Variants in NRXN3 observed in about 807,000 individuals in gnomAD.
The protein encoded by NRXN3 is neurexin 3.
A neutral mutation model predicts 137.6 loss-of-function variants in NRXN3; 32 were observed. That is an observed-to-expected ratio of 0.23 (90% CI 0.18 to 0.31). The LOEUF (loss-of-function observed/expected upper bound fraction) is 0.31. Among genes scored for constraint, NRXN3 ranks in the 10% least tolerant of loss-of-function variants. The pLI is 1.00. For synonymous variants in NRXN3, 798 were observed against 784.5 expected, an observed-to-expected ratio of 1.02 and a Z score of -0.29; for missense variants, 1,574 against 2,062.5, an observed-to-expected ratio of 0.76 and a Z score of 4.59.
intron 15 of NRXN3, among the ~76,000 whole-genome samples, chr14:79,138,865 A>G (rs888366177): frequency 2.6e-5 from 4 of 152,268 alleles, no homozygotes; most frequent in Non-Finnish European, 4.4e-5. Flanking sequence ...ACAGGATACA[A>G]AAGTCAGTGT....
chr14:78,283,114 G>A (rs2074638201), intron 3 of NRXN3: 1 of 152,196 alleles, frequency 6.6e-6, no homozygotes, highest in Non-Finnish European at 1.5e-5. Flanking sequence ...CACAGAATGA[G>A]ATATCTGATC....
intron 4 of NRXN3, among the ~76,000 whole-genome samples, chr14:78,302,296 C>T (rs1242335813): frequency 6.6e-6 from 1 of 152,196 alleles, no homozygotes; most frequent in Non-Finnish European, 1.5e-5. Context: ...ACTACCACTA[C>T]TAGAAGCTGC....
chr14:78,823,713 T>G (rs1226883728), intron 10 of NRXN3, among the ~76,000 whole-genome samples: 2 of 152,076 alleles, frequency 1.3e-5, no homozygotes, highest in East Asian at 3.9e-4. Context: ...GAACAGGAAT[T>G]TATGCTGAGC....
intron 15 of NRXN3, among the ~76,000 whole-genome samples, chr14:79,206,468 C>G (rs1453590005): frequency 6.6e-6 from 1 of 152,148 alleles, no homozygotes; most frequent in African/African-American, 2.4e-5. Context: ...CTCTTCTTGA[C>G]TATAAAGAAA....
chr14:79,123,689 A>G (rs1596212927), intron 15 of NRXN3, among the ~76,000 whole-genome samples: 1 of 152,310 alleles, frequency 6.6e-6, no homozygotes, highest in East Asian at 1.9e-4. Flanking sequence ...TGGGGATGTG[A>G]AAATGGACAG....
chr14:78,666,840 C>G (rs1196360459), intron 6 of NRXN3, among the ~76,000 whole-genome samples: 1 of 152,142 alleles, frequency 6.6e-6, no homozygotes, highest in African/African-American at 2.4e-5. Flanking sequence ...ACATCCAGTG[C>G]CCAGCAAAGC....
intron 15 of NRXN3, among the ~76,000 whole-genome samples, chr14:79,239,236 A>G (rs1321614467): frequency 6.6e-6 from 1 of 152,136 alleles, no homozygotes; most frequent in Non-Finnish European, 1.5e-5. Context: ...CCCTCTCAAA[A>G]TATTTTGTTG....
intron 16 of NRXN3, among the ~76,000 whole-genome samples, chr14:79,583,343 T>G (rs1020450259): frequency 6.6e-6 from 1 of 152,200 alleles, no homozygotes; most frequent in Non-Finnish European, 1.5e-5. Flanking sequence ...GCTATGTAGC[T>G]TCTAGTGTCT....
At chr14:79,132,522 C>T (rs1596325814) in intron 15 of NRXN3, among the ~76,000 whole-genome samples, 1 of 152,124 alleles carries the variant, frequency 6.6e-6, no homozygotes, top group South Asian at 2.1e-4. Flanking sequence ...TTAATTATAC[C>T]TATTTCTCCT....
At chr14:79,609,503 T>C (rs17836224) in intron 16 of NRXN3, among the ~76,000 whole-genome samples, 63,344 of 151,996 alleles carry the variant, frequency 0.42, 13,557 homozygotes, top group Middle Eastern at 0.64. Flanking sequence ...GAAGAGGAAT[T>C]CTGCCACATG....
intron 4 of NRXN3, among the ~76,000 whole-genome samples, chr14:78,557,187 G>A (rs2096746741): frequency 6.6e-6 from 1 of 150,440 alleles, no homozygotes; most frequent in African/African-American, 2.5e-5. Flanking sequence ...TAGGACCACA[G>A]GTGAAAATGA....
intron 8 of NRXN3, among the ~76,000 whole-genome samples, chr14:78,800,185 T>A (rs796586763): frequency 9.8e-5 from 15 of 152,306 alleles, no homozygotes; most frequent in Admixed American, 2.6e-4. Flanking sequence ...CATAGCTCTA[T>A]GACAATTTGG....
intron 10 of NRXN3, among the ~76,000 whole-genome samples, chr14:78,816,475 G>A (rs903885076): frequency 2.6e-5 from 4 of 151,984 alleles, no homozygotes; most frequent in Admixed American, 2.6e-4. Context: ...ACTATTCCAT[G>A]TAAGAATATA....
Position 78,411,140 on chromosome 14 carries a change from T to C in NRXN3, c.757+113280T>C, listed in dbSNP as rs139160925. Among the ~76,000 whole-genome samples, 3 of 152,312 alleles carry C rather than the reference T, an allele frequency of 2.0e-5. No homozygotes were observed. The East Asian group carries it at 5.8e-4, about 29-fold the overall frequency. ...CCAATAGCCAACCATTTGGTCAACATTAGTTTCAGTTATTTTCTCCCTGTC... is the reference window on the plus strand; with the variant it reads ...CCAATAGCCAACCATTTGGTCAACACTAGTTTCAGTTATTTTCTCCCTGTC... On this transcript the variant is annotated intron_variant, in intron 4 of 20. Transcript: ENST00000335750.
intron 15 of NRXN3, among the ~76,000 whole-genome samples, chr14:79,042,455 A>G (rs1466158702): frequency 6.6e-6 from 1 of 152,172 alleles, no homozygotes; most frequent in Non-Finnish European, 1.5e-5. Flanking sequence ...TAATTTACCC[A>G]TGTTTGCATG....
At chr14:78,939,058 G>A (rs2099347997) in intron 10 of NRXN3, among the ~76,000 whole-genome samples, 1 of 151,792 alleles carries the variant, frequency 6.6e-6, no homozygotes, top group Non-Finnish European at 1.5e-5. Context: ...TGTTAGCCAG[G>A]ATGGTCTCGA....
chr14:79,581,047 CGTGGT>C (rs2097710801), intron 16 of NRXN3, among the ~76,000 whole-genome samples: 1 of 152,112 alleles, frequency 6.6e-6, no homozygotes, highest in African/African-American at 2.4e-5. Context: ...CTTCCCTCTC[CGTGGT>C]CCTGTTAGGG....
intron 15 of NRXN3, among the ~76,000 whole-genome samples, chr14:79,078,366 C>T (rs548011139): frequency 2.6e-5 from 4 of 152,248 alleles, no homozygotes; most frequent in East Asian, 1.9e-4. Flanking sequence ...TTTCTACTGT[C>T]CTATTGGAAA....
rs2096159655 is a variant in NRXN3 at position 79,450,919 on chromosome 14, A to C, written c.3263-16302A>C. ...AAATATAAAGTTGGTCAATAAACAA[A>C]TTTTCATAAGCACTTATGTTAGAGG... On this transcript the variant is annotated intron_variant, in intron 15 of 20. Transcript: ENST00000335750. Among the ~76,000 whole-genome samples the C allele has an allele frequency of 2.0e-5, 3 of 152,236 alleles. No homozygotes were observed. In the South Asian group the frequency reaches 6.2e-4, roughly 32 times the overall value.
Sources: gnomAD v4.1 joint callset for allele counts (sites outside exome capture counted in the v4.1 genomes callset) on GRCh38, gnomAD v4.1.1 for gene constraint, MANE v1.5 for transcripts, NCBI Gene and HGNC (gene_info 2026-07-23, HGNC 2026-07-21) for gene names.